ASTN1: variants seen among roughly 807,000 people sequenced by gnomAD.
The protein encoded by ASTN1 is astrotactin 1.
A neutral mutation model predicts 140.7 loss-of-function variants in ASTN1; 41 were observed. The ratio of observed to expected loss-of-function variants is 0.29; its 90% CI spans 0.23 to 0.38. ASTN1 has a LOEUF of 0.38. Ranked by LOEUF, ASTN1 falls within the 10% of genes least tolerant of loss-of-function variation. The pLI is 1.00. For synonymous variants in ASTN1, 640 were observed against 652.2 expected, an observed-to-expected ratio of 0.98 and a Z score of 0.29; for missense variants, 1,479 against 1,678.8, an observed-to-expected ratio of 0.88 and a Z score of 2.08.
chr1:177,107,719 G>A (rs1045373790), intron 1 of ASTN1, among the ~76,000 whole-genome samples: 1 of 152,116 alleles, frequency 6.6e-6, no homozygotes, highest in South Asian at 2.1e-4. Context: ...CCTAAGTCTG[G>A]CCAGAGCACC....
At chr1:177,078,278 C>A (rs1426924874) in intron 1 of ASTN1, among the ~76,000 whole-genome samples, 3 of 152,294 alleles carry the variant, frequency 2.0e-5, no homozygotes, top group East Asian at 1.9e-4. Context: ...TGACACACAG[C>A]TCCTGTGCCT....
intron 16 of ASTN1, among the ~76,000 whole-genome samples, chr1:176,897,568 A>T (rs931676826): frequency 1.3e-5 from 2 of 149,956 alleles, no homozygotes; most frequent in Non-Finnish European, 3.0e-5. Flanking sequence ...CGTGAGCGGG[A>T]GGAAAAAAAA....
chr1:177,038,531 A>G (rs1476650733), intron 2 of ASTN1, among the ~76,000 whole-genome samples: 1 of 152,202 alleles, frequency 6.6e-6, no homozygotes, highest in Non-Finnish European at 1.5e-5. Flanking sequence ...GAAGAGAAGG[A>G]AGAAAAAAGG....
intron 1 of ASTN1, among the ~76,000 whole-genome samples, chr1:177,101,047 G>A (rs191325064): frequency 5.5e-4 from 84 of 152,204 alleles, no homozygotes; most frequent in Non-Finnish European, 4.6e-4. Context: ...AGCTGAGATT[G>A]CACCATTGCA....
chr1:177,045,478 T>C (rs1198058314), intron 2 of ASTN1, among the ~76,000 whole-genome samples: 1 of 152,222 alleles, frequency 6.6e-6, no homozygotes, highest in Non-Finnish European at 1.5e-5. Flanking sequence ...TTCCTTCTTT[T>C]CTGCTGGCTC....
intron 1 of ASTN1, among the ~76,000 whole-genome samples, chr1:177,149,232 AAATATATATATAC>A (rs1290244388): frequency 2.5e-5 from 2 of 80,302 alleles, no homozygotes; most frequent in African/African-American, 2.2e-4. Context: ...TATATATAGT[AAATATATATATAC>A]TATATATAGT....
At chr1:176,910,499 C>T (rs1670189301) in intron 16 of ASTN1, among the ~76,000 whole-genome samples, 1 of 152,338 alleles carries the variant, frequency 6.6e-6, no homozygotes, top group East Asian at 1.9e-4. Context: ...TATGTGTAAT[C>T]TCTACATTCA....
At chr1:177,087,493 A>G (rs888305341) in intron 1 of ASTN1, among the ~76,000 whole-genome samples, 3 of 152,294 alleles carry the variant, frequency 2.0e-5, no homozygotes, top group Middle Eastern at 3.4e-3. Flanking sequence ...GAGCCTGAAC[A>G]TTATTTATTA....
intron 7 of ASTN1, among the ~76,000 whole-genome samples, chr1:177,022,135 G>A (rs1316756052): frequency 1.3e-5 from 2 of 152,160 alleles, no homozygotes; most frequent in Non-Finnish European, 2.9e-5. Flanking sequence ...CTCTCCCAGA[G>A]GGATCTAGTC....
intron 1 of ASTN1, among the ~76,000 whole-genome samples, chr1:177,070,768 G>C (rs1678596962): frequency 6.6e-6 from 1 of 152,106 alleles, no homozygotes; most frequent in African/African-American, 2.4e-5. Flanking sequence ...GGTGGGAGTG[G>C]CAATTGAGTG....
chr1:176,925,616 T>C (rs1670923240), intron 16 of ASTN1, among the ~76,000 whole-genome samples: 1 of 152,172 alleles, frequency 6.6e-6, no homozygotes, highest in African/African-American at 2.4e-5. Flanking sequence ...TTAATGGCAG[T>C]GGATCACCAT....
chr1:176,922,921 T>G (rs943920479), intron 16 of ASTN1, among the ~76,000 whole-genome samples: 4 of 152,208 alleles, frequency 2.6e-5, no homozygotes, highest in Non-Finnish European at 5.9e-5. Flanking sequence ...AATAATAATA[T>G]GAGTCCCAAT....
intron 1 of ASTN1, among the ~76,000 whole-genome samples, chr1:177,153,396 C>T (rs974544916): frequency 1.3e-5 from 2 of 152,016 alleles, no homozygotes; most frequent in Non-Finnish European, 2.9e-5. Context: ...GCCAAATAAG[C>T]CTTTTTTTTC....
rs752121622 is a variant in ASTN1, at chr1:177,164,682, GC to G, written c.-7del. The G allele has an allele frequency of 1.1e-4, 175 of 1,549,958 alleles. No individual in the cohort carries two copies. The highest frequency in any genetic ancestry group is 1.4e-4 in the Non-Finnish European group (165 of 1,149,956). On this transcript the variant is annotated 5_prime_UTR_variant, in exon 1 of 23. Coordinates refer to ENST00000361833, the MANE Select transcript of ASTN1 (RefSeq NM_004319.3). ...CAGAGCCCGGCTAAAGCCATCTTGAGCCCCGGCCGCCTTCCTCCTAGCGCTG... is the reference window on the plus strand; with the variant it reads ...CAGAGCCCGGCTAAAGCCATCTTGAGCCCGGCCGCCTTCCTCCTAGCGCTG...
intron 1 of ASTN1, among the ~76,000 whole-genome samples, chr1:177,096,199 G>A (rs563323690): frequency 2.6e-5 from 4 of 152,150 alleles, no homozygotes; most frequent in Non-Finnish European, 5.9e-5. Flanking sequence ...ATTTGCCTCA[G>A]GTTAAATAAT....
chr1:176,970,942 A>G lies in ASTN1; in HGVS notation c.1524-5705T>C, dbSNP rs192463786. On this transcript the variant is annotated intron_variant, in intron 8 of 22. Coordinates refer to ENST00000361833, the MANE Select transcript of ASTN1 (RefSeq NM_004319.3). ...TTTGTCCACAGTTAAATGAAAGCAC[A>G]TCCTTTCAAGCCTGCTTCTGGCCCA... Among the ~76,000 whole-genome samples, 40 of 152,352 alleles carry G rather than the reference A, an allele frequency of 2.6e-4. 1 individual carries two copies. The highest frequency in any genetic ancestry group is 8.4e-4 in the African/African-American group (35 of 41,586).
intron 1 of ASTN1, among the ~76,000 whole-genome samples, chr1:177,112,685 G>C (rs554569843): frequency 5.3e-5 from 8 of 152,318 alleles, no homozygotes; most frequent in African/African-American, 1.9e-4. Flanking sequence ...GCCTAGGAAG[G>C]AAGGTAGGGG....
chr1:177,000,934 C>A (rs1490389240), intron 8 of ASTN1, among the ~76,000 whole-genome samples: 1 of 152,130 alleles, frequency 6.6e-6, no homozygotes, highest in Non-Finnish European at 1.5e-5. Flanking sequence ...CTCTATGTGT[C>A]TAGAATTGTC....
At chr1:177,014,934 G>C in intron 7 of ASTN1, 59 bp from the exon 8 acceptor site, 7 of 1,466,964 alleles carry the variant, frequency 4.8e-6, no homozygotes, top group Non-Finnish European at 5.7e-6. Flanking sequence ...TAACATGTCT[G>C]TGTTTGTAAA....
Sources: gnomAD v4.1 joint callset for allele counts (sites outside exome capture counted in the v4.1 genomes callset) on GRCh38, gnomAD v4.1.1 for gene constraint, MANE v1.5 for transcripts, NCBI Gene and HGNC (gene_info 2026-07-23, HGNC 2026-07-21) for gene names.